DACH2: variants seen among roughly 807,000 people sequenced by gnomAD.
DACH2 encodes dachshund family transcription factor 2, also known as dachshund homolog 2.
In DACH2, 17 loss-of-function variants were observed where a neutral mutation model predicts 35.8. The ratio of observed to expected loss-of-function variants is 0.48; its 90% confidence interval spans 0.33 to 0.71. The LOEUF (loss-of-function observed/expected upper bound fraction) is 0.71, where lower values mean the gene tolerates loss of function less well. Ranked by LOEUF, DACH2 falls within the 30% of genes least tolerant of loss-of-function variation. The pLI, the probability that DACH2 is intolerant of heterozygous loss-of-function variation, is 0.02. For missense variants in DACH2, 469 were observed against 472.7 expected (o/e 0.99, Z 0.07); for synonymous variants, 195 against 177.3 (o/e 1.10, Z -0.79).
At chrX:86,216,626 A>T (rs2032579179) in intron 1 of DACH2, among the ~76,000 whole-genome samples, 1 of 111,760 alleles carries the variant, frequency 8.9e-6, no homozygotes, top group African/African-American at 3.3e-5. Flanking sequence ...TTGAGAGATA[A>T]ATGTTTTTCT....
intron 5 of DACH2, among the ~76,000 whole-genome samples, chrX:86,707,158 C>T (rs776085387): frequency 9.0e-6 from 1 of 110,592 alleles, no homozygotes; most frequent in Non-Finnish European, 1.9e-5. Flanking sequence ...GAAGCCATCA[C>T]TATTTATCCT....
At chrX:86,182,047 G>T (rs1185463235) in intron 1 of DACH2, among the ~76,000 whole-genome samples, 1 of 110,891 alleles carries the variant, frequency 9.0e-6, no homozygotes, top group Non-Finnish European at 1.9e-5. Flanking sequence ...TTTTTTTCTT[G>T]CAAATTTGTT....
At chrX:86,458,723 T>A (rs2037517345) in intron 2 of DACH2, among the ~76,000 whole-genome samples, 1 of 111,340 alleles carries the variant, frequency 9.0e-6, no homozygotes, top group African/African-American at 3.3e-5. Context: ...AAAGGAAAAA[T>A]TTATAAATAT....
intron 2 of DACH2, chrX:86,481,129 A>T (rs917669674): frequency 2.7e-5 from 3 of 111,877 alleles, no homozygotes; most frequent in Admixed American, 9.5e-5. Flanking sequence ...CTACATTTTG[A>T]TCCTACTCAT....
chrX:86,814,576 A>AATATTTCACTTGAC, intron 9 of DACH2, 112 bp from the exon 10 acceptor site: 1 of 787,035 alleles, frequency 1.3e-6, no homozygotes, highest in Non-Finnish European at 1.8e-6. Context: ...TGTCAAGTGA[A>AATATTTCACTTGAC]ATATTTCTAT....
intron 7 of DACH2, among the ~76,000 whole-genome samples, chrX:86,774,907 A>T (rs964160171): frequency 9.0e-6 from 1 of 111,645 alleles, no homozygotes; most frequent in Admixed American, 9.6e-5. Context: ...ATCTTATTGT[A>T]TTATTATCAT....
intron 1 of DACH2, among the ~76,000 whole-genome samples, chrX:86,260,887 G>A (rs935051194): frequency 1.8e-5 from 2 of 111,690 alleles, no homozygotes; most frequent in Non-Finnish European, 3.8e-5. Context: ...TAATGTGTTT[G>A]CAGAGGCACC....
At chrX:86,437,105 C>T (rs908679580) in intron 2 of DACH2, among the ~76,000 whole-genome samples, 8 of 110,865 alleles carry the variant, frequency 7.2e-5, no homozygotes, top group Non-Finnish European at 7.6e-5. Context: ...TTTTCTATTC[C>T]TTGTTTTTCT....
intron 1 of DACH2, among the ~76,000 whole-genome samples, chrX:86,239,429 T>C (rs1366341524): frequency 1.8e-5 from 2 of 112,147 alleles, no homozygotes; most frequent in Non-Finnish European, 3.8e-5. Context: ...ATTACTGACC[T>C]ATATCTAAAT....
intron 7 of DACH2, among the ~76,000 whole-genome samples, chrX:86,809,762 T>TAG (rs752452723): frequency 9.0e-6 from 1 of 110,865 alleles, no homozygotes; most frequent in African/African-American, 3.3e-5. Context: ...ATGGGCCAAA[T>TAG]AGAGTCCAGG....
At chrX:86,627,943 C>G (rs1178529212) in intron 3 of DACH2, among the ~76,000 whole-genome samples, 1 of 112,367 alleles carries the variant, frequency 8.9e-6, no homozygotes, top group South Asian at 3.7e-4. Context: ...GCACTTCTCA[C>G]TTTTGTTGTT....
chrX:86,800,331 G>C (rs2147335236), intron 7 of DACH2, among the ~76,000 whole-genome samples: 1 of 111,481 alleles, frequency 9.0e-6, no homozygotes, highest in East Asian at 2.8e-4. Flanking sequence ...ATAGAAGAAA[G>C]TAAAGTTGAA....
intron 2 of DACH2, among the ~76,000 whole-genome samples, chrX:86,417,460 G>C (rs1317767261): frequency 1.8e-5 from 2 of 111,270 alleles, no homozygotes; most frequent in Admixed American, 1.9e-4. Context: ...AATGGCAGAA[G>C]ACAAGGAGGA....
intron 2 of DACH2, among the ~76,000 whole-genome samples, chrX:86,505,243 A>G (rs1309868553): frequency 8.9e-6 from 1 of 112,075 alleles, no homozygotes; most frequent in Non-Finnish European, 1.9e-5. Context: ...CATAGCAACA[A>G]TACTGTCTTA....
intron 3 of DACH2, among the ~76,000 whole-genome samples, chrX:86,533,934 C>T (rs1260825859): frequency 9.0e-6 from 1 of 111,631 alleles, no homozygotes; most frequent in African/African-American, 3.3e-5. Flanking sequence ...GAAGACATCT[C>T]CTTTAATTTG....
At chrX:86,199,847 TATC>T (rs1341758979) in intron 1 of DACH2, among the ~76,000 whole-genome samples, 1 of 112,194 alleles carries the variant, frequency 8.9e-6, no homozygotes, top group Non-Finnish European at 1.9e-5. Context: ...GAAGAATTAA[TATC>T]ATTACAATGG....
intron 1 of DACH2, among the ~76,000 whole-genome samples, chrX:86,255,893 C>A (rs989440364): frequency 6.3e-5 from 7 of 110,998 alleles, no homozygotes; most frequent in African/African-American, 2.3e-4. Context: ...AAATTTCCAA[C>A]AAAATATATA....
At chrX:86,411,038 ATG>A (rs1282719487) in intron 2 of DACH2, among the ~76,000 whole-genome samples, 17 of 88,189 alleles carry the variant, frequency 1.9e-4, no homozygotes, top group South Asian at 1.3e-3. Context: ...ATATATATAT[ATG>A]TATATATGTA....
intron 1 of DACH2, among the ~76,000 whole-genome samples, chrX:86,361,402 T>A (rs951505832): frequency 2.7e-5 from 3 of 111,749 alleles, no homozygotes; most frequent in African/African-American, 9.7e-5. Flanking sequence ...ATACCAATAT[T>A]TCTAAGAGAA....
Sources: allele counts gnomAD v4.1 joint callset (sites outside exome capture counted in the v4.1 genomes callset), GRCh38; gene constraint gnomAD v4.1.1; transcripts MANE v1.5; gene names NCBI Gene and HGNC (gene_info 2026-07-23, HGNC 2026-07-21).